GULP1: variants seen among roughly 807,000 people sequenced by gnomAD.
GULP1 encodes GULP PTB domain containing engulfment adaptor 1.
Under a neutral mutation model 40.9 loss-of-function variants are expected in GULP1, and 19 were observed. The observed-to-expected ratio is 0.46, with a 90% CI of 0.32 to 0.68. The LOEUF (loss-of-function observed/expected upper bound fraction) is 0.68. Ranked by LOEUF, GULP1 falls within the 30% of genes least tolerant of loss-of-function variation. The pLI is 0.03. For synonymous variants in GULP1, 119 were observed against 117.6 expected (o/e 1.01, Z -0.08); for missense variants, 312 against 362.2 (o/e 0.86, Z 1.12).
intron 1 of GULP1, among the ~76,000 whole-genome samples, chr2:188,317,369 A>G (rs939755546): frequency 3.9e-5 from 6 of 152,208 alleles, no homozygotes; most frequent in African/African-American, 1.4e-4. Flanking sequence ...GTAAAGTGAT[A>G]GTCGACACAA....
chr2:188,446,616 A>G (rs776743369), intron 2 of GULP1, among the ~76,000 whole-genome samples: 1 of 152,152 alleles, frequency 6.6e-6, no homozygotes, highest in Non-Finnish European at 1.5e-5. Flanking sequence ...TCTGCCACAA[A>G]TGACTTGTCT....
At chr2:188,475,160 C>CA (rs1686126459) in intron 2 of GULP1, among the ~76,000 whole-genome samples, 1 of 151,868 alleles carries the variant, frequency 6.6e-6, no homozygotes. Context: ...ACGTGTTTTA[C>CA]AAAAAAAGTG....
In GULP1 at chr2:188,351,153, G is replaced by A. The variant is rs182849575; in HGVS notation, c.-171-32610G>A. On this transcript the variant is annotated intron_variant, in intron 1 of 11. Transcript: ENST00000409830. ...CAGAGGATGGAATATAGTTTGAGTA[G>A]GACTTAAAAAAAGAAGACTAATTAG... Among the ~76,000 whole-genome samples the A allele has an allele frequency of 1.6e-4, 25 of 151,706 alleles. No homozygotes were observed. In the East Asian group the frequency reaches 4.3e-3, roughly 26 times the overall value.
intron 1 of GULP1, among the ~76,000 whole-genome samples, chr2:188,299,379 C>G (rs557400598): frequency 6.6e-6 from 1 of 152,184 alleles, no homozygotes; most frequent in South Asian, 2.1e-4. Context: ...AATATACTAA[C>G]ATATTGGTTC....
In GULP1 at chr2:188,340,415, C is replaced by T. The variant is rs762897051; in HGVS notation, c.-171-43348C>T. ...TCAGCCCATAGCTCTCTACCCCTCG[C>T]GGGAGGGGGAGATGCAGATGAGTGG... On this transcript the variant is annotated intron_variant, in intron 1 of 11. Transcript: ENST00000409830. Among the ~76,000 whole-genome samples, 7 of 152,158 alleles carry T rather than the reference C, an allele frequency of 4.6e-5. No homozygotes were observed. The South Asian group carries it at 1.2e-3, about 27-fold the overall frequency.
intron 1 of GULP1, among the ~76,000 whole-genome samples, chr2:188,356,569 T>C (rs2045347110): frequency 6.6e-6 from 1 of 152,162 alleles, no homozygotes; most frequent in Admixed American, 6.6e-5. Context: ...ATATCCATGT[T>C]TATGGATTAA....
intron 2 of GULP1, among the ~76,000 whole-genome samples, chr2:188,472,531 A>G (rs1474083009): frequency 6.6e-6 from 1 of 151,874 alleles, no homozygotes; most frequent in Non-Finnish European, 1.5e-5. Flanking sequence ...AGGCTCATTA[A>G]TTGTTTCTTC....
At chr2:188,555,829 G>A (rs553087605) in intron 7 of GULP1, among the ~76,000 whole-genome samples, 12 of 152,202 alleles carry the variant, frequency 7.9e-5, no homozygotes, top group African/African-American at 2.6e-4. Flanking sequence ...GGAAGGCCAG[G>A]AAAGGTGGAT....
At chr2:188,402,739 A>C (rs1301075273) in intron 2 of GULP1, among the ~76,000 whole-genome samples, 2 of 152,114 alleles carry the variant, frequency 1.3e-5, no homozygotes, top group East Asian at 3.9e-4. Flanking sequence ...CCCCTTCTAG[A>C]GTGGAATTTT....
At chr2:188,540,024 C>A (rs1458073198) in intron 6 of GULP1, among the ~76,000 whole-genome samples, 2 of 151,962 alleles carry the variant, frequency 1.3e-5, no homozygotes, top group African/African-American at 2.4e-5. Flanking sequence ...TAAAATAAAG[C>A]TTTTTTGGGG....
chr2:188,442,235 C>G (rs1026079631), intron 2 of GULP1, among the ~76,000 whole-genome samples: 3 of 152,108 alleles, frequency 2.0e-5, no homozygotes, highest in Non-Finnish European at 2.9e-5. Flanking sequence ...TGTGCAAATA[C>G]AATTTTCTGC....
intron 10 of GULP1, among the ~76,000 whole-genome samples, chr2:188,587,544 A>G (rs1342978824): frequency 6.6e-6 from 1 of 152,148 alleles, no homozygotes; most frequent in Non-Finnish European, 1.5e-5. Context: ...TCAATAAAAT[A>G]TAGGTGTTGT....
intron 2 of GULP1, among the ~76,000 whole-genome samples, chr2:188,470,102 C>T (rs1436777187): frequency 1.3e-5 from 2 of 152,006 alleles, no homozygotes; most frequent in Non-Finnish European, 2.9e-5. Flanking sequence ...TTCTCTCCTC[C>T]TCTATTTTTT....
intron 1 of GULP1, among the ~76,000 whole-genome samples, chr2:188,359,875 T>C (rs979660711): frequency 1.1e-4 from 16 of 152,080 alleles, no homozygotes; most frequent in African/African-American, 3.9e-4. Context: ...ACTTTAGGAA[T>C]TGTGCAAAAA....
intron 1 of GULP1, among the ~76,000 whole-genome samples, chr2:188,348,095 T>G (rs1306091823): frequency 1.3e-5 from 2 of 152,230 alleles, no homozygotes; most frequent in Non-Finnish European, 2.9e-5. Flanking sequence ...TGTGAAACTT[T>G]TGAGAAACTC....
intron 1 of GULP1, among the ~76,000 whole-genome samples, chr2:188,327,464 T>C (rs2040913059): frequency 6.6e-6 from 1 of 152,138 alleles, no homozygotes; most frequent in South Asian, 2.1e-4. Flanking sequence ...TCCTTGGGAC[T>C]GGTCAGATGA....
chr2:188,406,891 T>C (rs2053190871), intron 2 of GULP1, among the ~76,000 whole-genome samples: 1 of 151,836 alleles, frequency 6.6e-6, no homozygotes, highest in East Asian at 1.9e-4. Context: ...GAAATAAATA[T>C]CCAGGTACAG....
chr2:188,423,752 T>C (rs967255761), intron 2 of GULP1, among the ~76,000 whole-genome samples: 1 of 151,900 alleles, frequency 6.6e-6, no homozygotes, highest in Admixed American at 6.6e-5. Flanking sequence ...TGTTCATGAT[T>C]AGTTAGCTTT....
intron 7 of GULP1, among the ~76,000 whole-genome samples, chr2:188,566,386 A>T (rs1254380775): frequency 6.6e-6 from 1 of 152,206 alleles, no homozygotes; most frequent in Admixed American, 6.5e-5. Flanking sequence ...ATGTTATTAT[A>T]AAATGAGAAC....
Sources: gnomAD v4.1 joint callset for allele counts (sites outside exome capture counted in the v4.1 genomes callset) on GRCh38, gnomAD v4.1.1 for gene constraint, MANE v1.5 for transcripts, NCBI Gene and HGNC (gene_info 2026-07-23, HGNC 2026-07-21) for gene names.